The following MAPK10 variants were observed in gnomAD, a reference collection of about 807,000 sequenced individuals.
MAPK10 encodes the protein JNK3 alpha protein kinase.
In MAPK10, 25 loss-of-function variants were observed where a neutral mutation model predicts 59.3. That is an observed-to-expected ratio of 0.42 (90% confidence interval 0.31 to 0.59). The LOEUF (loss-of-function observed/expected upper bound fraction) is 0.59, where lower values mean the gene tolerates loss of function less well. Among genes scored for constraint, MAPK10 ranks in the 20% least tolerant of loss-of-function variants. The probability of loss-of-function intolerance (pLI) is 0.15; values close to 1 mark genes in which losing one functional copy is unlikely to be tolerated. For synonymous variants in MAPK10, 190 were observed against 200.5 expected, an observed-to-expected ratio of 0.95 and a Z score of 0.44; for missense variants, 351 against 568.9, an observed-to-expected ratio of 0.62 and a Z score of 3.90.
In MAPK10 at chr4:86,304,486, A is replaced by G. The variant is rs1385121930; in HGVS notation, c.-7+50044T>C. On this transcript the variant is annotated intron_variant, in intron 2 of 13. Coordinates refer to ENST00000641462, the MANE Select transcript of MAPK10 (RefSeq NM_138982.4). ...CGGCTCACTGCAAGCTCCACCTCCCAGGTTCACGCCATTCTCCTGCCTCAG... is the reference window on the plus strand; with the variant it reads ...CGGCTCACTGCAAGCTCCACCTCCCGGGTTCACGCCATTCTCCTGCCTCAG... Among the ~76,000 whole-genome samples, 15 of 138,470 alleles carry G rather than the reference A, an allele frequency of 1.1e-4. No homozygotes were observed. In the South Asian group the frequency reaches 1.6e-3, roughly 15 times the overall value. 90.8% of individuals were successfully genotyped at this position (138,470 alleles called of 152,430 possible). A position where few individuals can be genotyped will look rare whatever the true frequency, so the allele number is the denominator to read the frequency against.
intron 4 of MAPK10, among the ~76,000 whole-genome samples, chr4:86,121,234 T>C (rs1211008234): frequency 6.6e-6 from 1 of 152,202 alleles, no homozygotes; most frequent in Non-Finnish European, 1.5e-5. Context: ...TTCTTGAGTC[T>C]GGGAAGTACA....
At chr4:86,140,482 A>C (rs1179126769) in intron 4 of MAPK10, among the ~76,000 whole-genome samples, 1 of 137,288 alleles carries the variant, frequency 7.3e-6, no homozygotes, top group Non-Finnish European at 1.5e-5. Flanking sequence ...GAATTGAACA[A>C]TGAGAACACA....
intron 2 of MAPK10, among the ~76,000 whole-genome samples, chr4:86,345,658 A>G (rs771152912): frequency 2.0e-5 from 3 of 152,194 alleles, no homozygotes; most frequent in Admixed American, 6.5e-5. Context: ...TCCAGAAACT[A>G]TATGAATAAA....
At chr4:86,575,663 TG>T (rs1565065607) in intron 1 of MAPK10, among the ~76,000 whole-genome samples, 1 of 151,842 alleles carries the variant, frequency 6.6e-6, no homozygotes, top group African/African-American at 2.4e-5. Context: ...ATGTTGTTTT[TG>T]TTTTGTTTCT....
intron 13 of MAPK10, chr4:86,028,559 T>C (rs1228515217): frequency 1.3e-5 from 2 of 152,118 alleles, no homozygotes; most frequent in African/African-American, 4.8e-5. Context: ...AAGCTGAAAA[T>C]AAACCATCAC....
intron 2 of MAPK10, among the ~76,000 whole-genome samples, chr4:86,320,369 T>C (rs933507417): frequency 1.3e-5 from 2 of 152,214 alleles, no homozygotes; most frequent in Admixed American, 6.5e-5. Context: ...GAGCCTGCAG[T>C]GATAGAACTT....
intron 3 of MAPK10, among the ~76,000 whole-genome samples, chr4:86,183,546 A>G (rs540850693): frequency 6.6e-6 from 1 of 151,842 alleles, no homozygotes; most frequent in African/African-American, 2.4e-5. Flanking sequence ...TCATTGTTGG[A>G]CATTTGGGTT....
chr4:86,378,208 C>T (rs1230436523), intron 1 of MAPK10, among the ~76,000 whole-genome samples: 1 of 152,142 alleles, frequency 6.6e-6, no homozygotes, highest in Admixed American at 6.6e-5. Context: ...CTTATCATAG[C>T]CTGCCAGGCC....
intron 10 of MAPK10, chr4:86,065,599 A>G (rs1003068509): frequency 2.6e-5 from 4 of 152,236 alleles, no homozygotes; most frequent in Non-Finnish European, 5.9e-5. Flanking sequence ...GGTTTGTTAC[A>G]TAGGTATACA....
intron 2 of MAPK10, among the ~76,000 whole-genome samples, chr4:86,215,536 G>A (rs746409103): frequency 1.4e-4 from 21 of 152,084 alleles, no homozygotes; most frequent in Non-Finnish European, 2.8e-4. Context: ...TCCAAAATAC[G>A]TAGAAACTAA....
chr4:86,366,677 A>C (rs553150384), intron 1 of MAPK10, among the ~76,000 whole-genome samples: 1 of 152,170 alleles, frequency 6.6e-6, no homozygotes, highest in Non-Finnish European at 1.5e-5. Flanking sequence ...TTTTCAGAAA[A>C]GCGTGGCAGT....
At chr4:86,334,280 T>TA (rs2096221846) in intron 2 of MAPK10, among the ~76,000 whole-genome samples, 1 of 152,168 alleles carries the variant, frequency 6.6e-6, no homozygotes, top group East Asian at 1.9e-4. Context: ...CCTACCTCCT[T>TA]ACTGTTTTTG....
intron 1 of MAPK10, among the ~76,000 whole-genome samples, chr4:86,389,594 A>G (rs932944620): frequency 6.6e-6 from 1 of 152,184 alleles, no homozygotes; most frequent in African/African-American, 2.4e-5. Flanking sequence ...GTTGGGACCA[A>G]GGGGACTGGG....
At chr4:86,052,020 C>G (rs892653195) in intron 11 of MAPK10, among the ~76,000 whole-genome samples, 1 of 151,930 alleles carries the variant, frequency 6.6e-6, no homozygotes, top group Non-Finnish European at 1.5e-5. Context: ...CTATTAATTT[C>G]TATTTCTTGA....
chr4:86,250,495 G>T (rs1008111559), intron 2 of MAPK10, among the ~76,000 whole-genome samples: 1 of 152,106 alleles, frequency 6.6e-6, no homozygotes, highest in Non-Finnish European at 1.5e-5. Flanking sequence ...AATATTTACT[G>T]AAAGCCTAGA....
intron 2 of MAPK10, among the ~76,000 whole-genome samples, chr4:86,338,931 T>G (rs1456875331): frequency 6.6e-6 from 1 of 151,718 alleles, no homozygotes; most frequent in East Asian, 1.9e-4. Flanking sequence ...TTCAATTCTC[T>G]CAAAGACTCA....
chr4:86,557,869 G>T (rs1461328688), intron 1 of MAPK10, among the ~76,000 whole-genome samples: 1 of 151,940 alleles, frequency 6.6e-6, no homozygotes, highest in East Asian at 1.9e-4. Context: ...CCTAAATTCA[G>T]GTAGTTTAGA....
chr4:86,167,348 C>T (rs1014911360), intron 3 of MAPK10, among the ~76,000 whole-genome samples: 10 of 152,164 alleles, frequency 6.6e-5, no homozygotes, highest in African/African-American at 2.4e-4. Flanking sequence ...AAAGGAGGAA[C>T]TTCCCTGTAA....
chr4:86,359,263 C>T lies in MAPK10; in HGVS notation c.-122+395G>A, dbSNP rs868499018. ...CACAGCTGTTTGGTGTTTTTTTTTT[C>T]CTCTCTCTCTCTCTCTCTCTCTCTC... On this transcript the variant is annotated intron_variant, in intron 1 of 13. Coordinates refer to ENST00000641462, the MANE Select transcript of MAPK10 (RefSeq NM_138982.4). Among the ~76,000 whole-genome samples the T allele has an allele frequency of 6.2e-4, 33 of 53,448 alleles. 1 individual carries two copies. Among genetic ancestry groups the T allele is most frequent in the African/African-American group, 1.3e-3 (22 of 17,050 alleles). 35.1% of individuals were successfully genotyped at this position (53,448 alleles called of 152,430 possible).
Sources: allele counts gnomAD v4.1 joint callset (sites outside exome capture counted in the v4.1 genomes callset), GRCh38; gene constraint gnomAD v4.1.1; transcripts MANE v1.5; gene names NCBI Gene and HGNC (gene_info 2026-07-23, HGNC 2026-07-21).